The following DGKI variants were observed in gnomAD, a reference collection of about 807,000 sequenced individuals.
The protein encoded by DGKI is diacylglycerol kinase iota.
Under a neutral mutation model 147.5 loss-of-function variants are expected in DGKI, and 55 were observed. The observed-to-expected ratio is 0.37, with a 90% CI of 0.30 to 0.47. DGKI has a LOEUF of 0.47. Ranked by LOEUF, DGKI falls within the 20% of genes least tolerant of loss-of-function variation. The pLI is 1.00. For synonymous variants in DGKI, 469 were observed against 477.1 expected (o/e 0.98, Z 0.22); for missense variants, 1,007 against 1,323.8 (o/e 0.76, Z 3.71).
At chr7:137,434,672 C>A (rs984177598) in intron 28 of DGKI, among the ~76,000 whole-genome samples, 1 of 152,028 alleles carries the variant, frequency 6.6e-6, no homozygotes, top group Non-Finnish European at 1.5e-5. Context: ...ATAATTATCA[C>A]CAACAAAGCA....
chr7:137,718,200 G>A (rs1794439113), intron 1 of DGKI, among the ~76,000 whole-genome samples: 1 of 152,190 alleles, frequency 6.6e-6, no homozygotes, highest in South Asian at 2.1e-4. Flanking sequence ...GACAGCATGT[G>A]GGAGGTTTCT....
intron 1 of DGKI, among the ~76,000 whole-genome samples, chr7:137,815,878 C>G (rs145153272): frequency 1.1e-3 from 164 of 152,092 alleles, no homozygotes; most frequent in African/African-American, 3.8e-3. Context: ...TTATGGGTAC[C>G]CTTTTATATT....
intron 1 of DGKI, among the ~76,000 whole-genome samples, chr7:137,758,098 A>C (rs1413829669): frequency 6.6e-6 from 1 of 152,194 alleles, no homozygotes; most frequent in African/African-American, 2.4e-5. Flanking sequence ...TGGGCTATAC[A>C]TGCTTATTTG....
At chr7:137,656,344 G>T in intron 4 of DGKI, 122 bp downstream of exon 4, 2 of 975,038 alleles carry the variant, frequency 2.1e-6, no homozygotes, top group Non-Finnish European at 3.2e-6. Flanking sequence ...TAATAATGTT[G>T]GACTTCCAGC....
intron 30 of DGKI, among the ~76,000 whole-genome samples, chr7:137,401,208 C>T (rs184993490): frequency 5.4e-4 from 82 of 151,826 alleles, no homozygotes; most frequent in African/African-American, 1.1e-3. Context: ...ATAAAGGAAA[C>T]GAGACAAAAG....
intron 28 of DGKI, among the ~76,000 whole-genome samples, chr7:137,442,735 T>C (rs1226952890): frequency 1.3e-5 from 2 of 152,222 alleles, no homozygotes; most frequent in African/African-American, 4.8e-5. Context: ...AATGTGGCAG[T>C]AGAAGAGGCC....
chr7:137,423,743 A>C (rs563230617), intron 28 of DGKI, among the ~76,000 whole-genome samples: 23 of 152,342 alleles, frequency 1.5e-4, no homozygotes, highest in African/African-American at 5.5e-4. Flanking sequence ...AATTTAGCAA[A>C]GGTCATGTTC....
intron 1 of DGKI, among the ~76,000 whole-genome samples, chr7:137,771,338 G>A (rs1033968014): frequency 2.0e-5 from 3 of 152,060 alleles, no homozygotes; most frequent in African/African-American, 4.8e-5. Context: ...TGATCCACCC[G>A]CTTCAGCCTC....
At chr7:137,817,324 C>A in intron 1 of DGKI, among the ~76,000 whole-genome samples, 1 of 152,218 alleles carries the variant, frequency 6.6e-6, no homozygotes, top group Non-Finnish European at 1.5e-5. Flanking sequence ...GTGCTTGACA[C>A]ATACTCGGTG....
intron 1 of DGKI, among the ~76,000 whole-genome samples, chr7:137,729,935 T>A (rs187204799): frequency 6.6e-6 from 1 of 152,166 alleles, no homozygotes; most frequent in Admixed American, 6.5e-5. Flanking sequence ...TAGTGGTTTC[T>A]ACCAACACTG....
intron 1 of DGKI, among the ~76,000 whole-genome samples, chr7:137,704,043 T>C (rs1018682097): frequency 6.6e-5 from 10 of 152,084 alleles, no homozygotes; most frequent in African/African-American, 2.2e-4. Flanking sequence ...AAACCCCGTC[T>C]CTACTAAAAG....
intron 19 of DGKI, among the ~76,000 whole-genome samples, chr7:137,555,790 G>A (rs957240660): frequency 1.3e-5 from 2 of 152,130 alleles, no homozygotes; most frequent in Non-Finnish European, 2.9e-5. Flanking sequence ...ATGTCAAAGA[G>A]GCTAGATGTT....
Position 137,382,322 on chromosome 7 carries a change from G to GGA in DGKI, c.*8897_*8898insTC, listed in dbSNP as rs397712080. The GGA allele has an allele frequency of 1.3e-5, 2 of 151,584 alleles. No homozygotes were observed. Among genetic ancestry groups the GGA allele is most frequent in the African/African-American group, 4.9e-5 (2 of 41,218 alleles). 9.4% of individuals were successfully genotyped at this position (151,584 alleles called of 1,614,324 possible). A position where few individuals can be genotyped will look rare whatever the true frequency, so the allele number is the denominator to read the frequency against. Reference sequence around the variant, plus strand: ...TAAGTGAATATATTGAGATTTGTGGGAAAAAACCCTAAATATTCCTTATTT... The same window carrying GGA: ...TAAGTGAATATATTGAGATTTGTGGGGAAAAAAACCCTAAATATTCCTTATTT... On this transcript the variant is annotated 3_prime_UTR_variant, in exon 33 of 33. Transcript: ENST00000614521.
At position 137,846,316 on chromosome 7, in the gene DGKI, C is replaced by T. The variant is rs1048105117; in HGVS notation, c.401+146G>A. ...AATGATAGGATGGGGAGAAGACAGA[C>T]ATCCCCGGGAGGAGAGGGGGAAAGG... On this transcript the variant is annotated intron_variant, in intron 1 of 32. Transcript: ENST00000614521. The surrounding 1 kb of genome is among the most constrained non-coding windows in gnomAD (Gnocchi z 4.0). 1.4e-5 allele frequency: 7 copies of T among 511,970 alleles called. No homozygotes were observed. Among genetic ancestry groups the T allele is most frequent in the Non-Finnish European group, 2.4e-5 (7 of 291,496 alleles). 31.7% of individuals were successfully genotyped at this position (511,970 alleles called of 1,614,324 possible).
chr7:137,469,829 G>C (rs1287059841), intron 23 of DGKI, among the ~76,000 whole-genome samples: 1 of 151,942 alleles, frequency 6.6e-6, no homozygotes, highest in Admixed American at 6.6e-5. Flanking sequence ...ATTAGCATGA[G>C]GTTTTTAATT....
intron 1 of DGKI, among the ~76,000 whole-genome samples, chr7:137,742,020 T>C (rs1402014555): frequency 1.3e-5 from 2 of 152,222 alleles, no homozygotes; most frequent in Non-Finnish European, 2.9e-5. Context: ...AGCACGTCCT[T>C]AGTGCCTGAC....
At chr7:137,622,850 G>C (rs1372792844) in intron 7 of DGKI, among the ~76,000 whole-genome samples, 1 of 152,022 alleles carries the variant, frequency 6.6e-6, no homozygotes, top group Non-Finnish European at 1.5e-5. Flanking sequence ...TGGGAAAAAA[G>C]GTAGATTAAA....
chr7:137,604,921 T>C (rs1172500739), intron 10 of DGKI, among the ~76,000 whole-genome samples: 2 of 152,206 alleles, frequency 1.3e-5, no homozygotes, highest in Non-Finnish European at 2.9e-5. Context: ...AGGGGACGTA[T>C]TTCTCTAGTA....
At chr7:137,509,880 C>G (rs1816519175) in intron 21 of DGKI, among the ~76,000 whole-genome samples, 1 of 152,048 alleles carries the variant, frequency 6.6e-6, no homozygotes, top group Non-Finnish European at 1.5e-5. Context: ...TTTTCTTTTT[C>G]TCTTTCCAAA....
Sources: gnomAD v4.1 joint callset for allele counts (sites outside exome capture counted in the v4.1 genomes callset) on GRCh38, gnomAD v4.1.1 for gene constraint, Gnocchi (gnomAD v3.1) non-coding constraint, MANE v1.5 for transcripts, NCBI Gene and HGNC (gene_info 2026-07-23, HGNC 2026-07-21) for gene names.